Variants in ARHGAP24 observed in about 807,000 individuals in gnomAD.
The protein encoded by ARHGAP24 is rho GTPase-activating protein 24.
ARHGAP24 carries 50 observed loss-of-function variants against 76.4 expected under a neutral mutation model. The ratio of observed to expected loss-of-function variants is 0.65; its 90% CI spans 0.52 to 0.83. ARHGAP24 has a LOEUF of 0.83. Among genes scored for constraint, ARHGAP24 ranks in the 40% least tolerant of loss-of-function variants. The pLI is 0.00. For synonymous variants in ARHGAP24, 345 were observed against 323.3 expected, an observed-to-expected ratio of 1.07 and a Z score of -0.72; for missense variants, 930 against 914.2, an observed-to-expected ratio of 1.02 and a Z score of -0.22.
intron 4 of ARHGAP24, among the ~76,000 whole-genome samples, chr4:85,926,726 T>C (rs75839889): frequency 0.013 from 1,959 of 152,050 alleles, 35 homozygotes; most frequent in East Asian, 0.093. Context: ...TTTCTGCCGA[T>C]TTGCAATATT....
At chr4:85,548,606 A>G (rs1224984959) in intron 1 of ARHGAP24, among the ~76,000 whole-genome samples, 1 of 152,238 alleles carries the variant, frequency 6.6e-6, no homozygotes, top group Non-Finnish European at 1.5e-5. Flanking sequence ...AGAATTGCTA[A>G]CCTACACCAC....
intron 2 of ARHGAP24, among the ~76,000 whole-genome samples, chr4:85,633,443 T>C (rs1041943699): frequency 2.0e-5 from 3 of 151,974 alleles, no homozygotes; most frequent in Admixed American, 6.6e-5. Flanking sequence ...TGTGCTGCCA[T>C]GTATTTAAAT....
intron 3 of ARHGAP24, among the ~76,000 whole-genome samples, chr4:85,859,733 A>T (rs1269885697): frequency 6.6e-6 from 1 of 152,112 alleles, no homozygotes; most frequent in African/African-American, 2.4e-5. Flanking sequence ...ATCTGGCTGT[A>T]GTCTGGAATT....
intron 3 of ARHGAP24, among the ~76,000 whole-genome samples, chr4:85,915,730 T>A (rs1489839765): frequency 2.6e-5 from 4 of 152,174 alleles, no homozygotes; most frequent in Non-Finnish European, 5.9e-5. Flanking sequence ...TTCATCTAGG[T>A]CCCTGCAAAG....
intron 1 of ARHGAP24, among the ~76,000 whole-genome samples, chr4:85,532,615 G>A (rs1725314266): frequency 6.6e-6 from 1 of 152,036 alleles, no homozygotes; most frequent in South Asian, 2.1e-4. Flanking sequence ...ATTATGTTTT[G>A]TGATCTTTGA....
At chr4:85,526,461 TATG>T (rs1303863640) in intron 1 of ARHGAP24, among the ~76,000 whole-genome samples, 3 of 151,790 alleles carry the variant, frequency 2.0e-5, no homozygotes, top group African/African-American at 7.3e-5. Context: ...AAAATCAGAT[TATG>T]AGATAAAAAG....
intron 3 of ARHGAP24, among the ~76,000 whole-genome samples, chr4:85,905,086 A>AT (rs1734698617): frequency 1.2e-5 from 1 of 85,738 alleles, no homozygotes; most frequent in Non-Finnish European, 2.2e-5. Flanking sequence ...ATTACATTTA[A>AT]TTTGTTTTTT....
intron 2 of ARHGAP24, among the ~76,000 whole-genome samples, chr4:85,592,669 A>G (rs1418107046): frequency 6.6e-6 from 1 of 152,098 alleles, no homozygotes; most frequent in Non-Finnish European, 1.5e-5. Flanking sequence ...CAGTCATTCT[A>G]CTGTCTTATC....
At chr4:85,917,643 T>A (rs988479437) in intron 3 of ARHGAP24, among the ~76,000 whole-genome samples, 1 of 152,226 alleles carries the variant, frequency 6.6e-6, no homozygotes, top group African/African-American at 2.4e-5. Context: ...TGGTTTTGAT[T>A]TGCATTTCTC....
At chr4:85,685,820 C>T (rs1723401755) in intron 2 of ARHGAP24, among the ~76,000 whole-genome samples, 1 of 152,158 alleles carries the variant, frequency 6.6e-6, no homozygotes, top group Non-Finnish European at 1.5e-5. Flanking sequence ...AAAACAACAA[C>T]CATTGTATTA....
chr4:85,500,210 A>G (rs1314481865), intron 1 of ARHGAP24, among the ~76,000 whole-genome samples: 1 of 152,192 alleles, frequency 6.6e-6, no homozygotes, highest in East Asian at 1.9e-4. Flanking sequence ...TTTAATGTAG[A>G]TACTAGAAAA....
chr4:85,581,059 A>T (rs891873351), intron 2 of ARHGAP24, among the ~76,000 whole-genome samples: 3 of 152,066 alleles, frequency 2.0e-5, no homozygotes, highest in Non-Finnish European at 4.4e-5. Flanking sequence ...TCATCAAAGA[A>T]TTTTTCCACA....
At chr4:85,611,581 T>C (rs1050177117) in intron 2 of ARHGAP24, among the ~76,000 whole-genome samples, 3 of 152,208 alleles carry the variant, frequency 2.0e-5, no homozygotes, top group Non-Finnish European at 4.4e-5. Flanking sequence ...ACTACAAAAA[T>C]CACTAACTCT....
intron 3 of ARHGAP24, among the ~76,000 whole-genome samples, chr4:85,851,487 CATT>C (rs1198779780): frequency 6.6e-6 from 1 of 152,182 alleles, no homozygotes; most frequent in African/African-American, 2.4e-5. Flanking sequence ...TTGATCCTGT[CATT>C]ATGATGTTAG....
intron 3 of ARHGAP24, among the ~76,000 whole-genome samples, chr4:85,832,601 A>G (rs1487932145): frequency 6.6e-6 from 1 of 152,198 alleles, no homozygotes; most frequent in Non-Finnish European, 1.5e-5. Context: ...ACCCTCTCTT[A>G]ACACCAAATA....
chr4:85,753,973 T>G (rs976990989), intron 3 of ARHGAP24, among the ~76,000 whole-genome samples: 2 of 152,230 alleles, frequency 1.3e-5, no homozygotes, highest in African/African-American at 2.4e-5. Flanking sequence ...TGTTGTTAAC[T>G]ATAATTTTTC....
In ARHGAP24 at chr4:85,516,022, G is replaced by GA. The variant is rs202232278; in HGVS notation, c.-21+40473dup. ...CATCTTTTTATTACAAGGCTGATGA[G>GA]AAAAAAAAAATTCCCAGCCAGGGCC... On this transcript the variant is annotated intron_variant, in intron 1 of 9. Coordinates refer to ENST00000395184, the MANE Select transcript of ARHGAP24 (RefSeq NM_001025616.3). 1.1e-4 allele frequency among the ~76,000 whole-genome samples: 16 copies of GA among 150,398 alleles called. No individual in the cohort carries two copies. The East Asian group carries it at 2.3e-3, about 22-fold the overall frequency.
At chr4:85,920,745 C>G (rs1319983526) in intron 3 of ARHGAP24, among the ~76,000 whole-genome samples, 1 of 152,124 alleles carries the variant, frequency 6.6e-6, no homozygotes, top group Non-Finnish European at 1.5e-5. Flanking sequence ...AGAAGACATA[C>G]ATGTGGCAAA....
intron 5 of ARHGAP24, among the ~76,000 whole-genome samples, chr4:85,964,421 A>C (rs904632007): frequency 3.3e-5 from 5 of 152,180 alleles, no homozygotes; most frequent in Non-Finnish European, 7.4e-5. Context: ...GGTCTGATGC[A>C]GTGATAGATA....
Sources: gnomAD v4.1 joint callset for allele counts (sites outside exome capture counted in the v4.1 genomes callset) on GRCh38, gnomAD v4.1.1 for gene constraint, MANE v1.5 for transcripts, NCBI Gene and HGNC (gene_info 2026-07-23, HGNC 2026-07-21) for gene names.